Variants in FRY observed in about 807,000 individuals in gnomAD.
The protein encoded by FRY is protein furry homolog.
In FRY, 128 loss-of-function variants were observed where a neutral mutation model predicts 348.4. The observed-to-expected ratio is 0.37, with a 90% CI of 0.32 to 0.43. FRY has a LOEUF of 0.43. FRY is among the 20% of genes least tolerant of loss of function. The probability of loss-of-function intolerance (pLI) is 1.00; values close to 1 mark genes in which losing one functional copy is unlikely to be tolerated. For synonymous variants in FRY, 1,370 were observed against 1,374.7 expected (o/e 1.00, Z 0.08); for missense variants, 2,736 against 3,695.2 (o/e 0.74, Z 6.73).
chr13:32,151,269 C>T (rs1373031963), intron 14 of FRY, among the ~76,000 whole-genome samples: 1 of 152,170 alleles, frequency 6.6e-6, no homozygotes, highest in Non-Finnish European at 1.5e-5. Flanking sequence ...ATTAGTTAAC[C>T]TCTCTGTGTA....
At position 32,187,605 on chromosome 13, in the gene FRY, T is replaced by C. The variant is rs1012864325; in HGVS notation, c.3540T>C (p.Asp1180=). ...TTGACAATGTGGGCCTTTCCCCAGA[T>C]GGCTACCTATATAAATGGCTTGACA... ...PVFDNVGLSP[D]GYLYKWLDNI... Residue 1180 remains aspartate, a synonymous_variant, in exon 28 of 61, where the codon GAT becomes GAC. Transcript: ENST00000542859. 6.2e-7 allele frequency: 1 copy of C among 1,612,736 alleles called. No individual in the cohort carries two copies. The highest frequency in any genetic ancestry group is 8.5e-7 in the Non-Finnish European group (1 of 1,178,744).
At chr13:32,168,719 A>G (rs970897650) in intron 17 of FRY, among the ~76,000 whole-genome samples, 2 of 152,112 alleles carry the variant, frequency 1.3e-5, no homozygotes, top group African/African-American at 4.8e-5. Context: ...AGAACTTTAC[A>G]TGCTTTTGAG....
At chr13:32,241,764 T>G (rs142260604) in intron 46 of FRY, among the ~76,000 whole-genome samples, 1 of 152,348 alleles carries the variant, frequency 6.6e-6, no homozygotes, top group East Asian at 1.9e-4. Context: ...TTATGTTATG[T>G]GTTTTTTACT....
chr13:32,208,917 G>A lies in FRY; in HGVS notation c.4083G>A (p.Leu1361=). 1.9e-6 allele frequency: 3 copies of A among 1,614,140 alleles called. No individual in the cohort carries two copies. Among genetic ancestry groups the A allele is most frequent in the Non-Finnish European group, 2.5e-6 (3 of 1,180,022 alleles). The part of the protein sequence containing the change: ...NGRQIMLTYL[L]PWLHNIELVD... ...GCCAGATCATGCTTACCTACCTGCT[G>A]CCCTGGCTGCACAACATCGAGCTGG... The change falls in exon 32 of 61, where the codon CTG becomes CTA. Residue 1361 remains leucine, a synonymous_variant. Transcript: ENST00000542859.
intron 1 of FRY, among the ~76,000 whole-genome samples, chr13:32,037,057 CAA>C (rs67451678): frequency 0.17 from 6,363 of 37,402 alleles, 360 homozygotes; most frequent in African/African-American, 0.3. Context: ...CACACACACA[CAA>C]ACACACACAC....
Position 32,276,581 on chromosome 13 carries a change from A to C in FRY, c.8385+19A>C. 7.9e-7 allele frequency: 1 copy of C among 1,269,298 alleles called. No homozygotes were observed. The highest frequency in any genetic ancestry group is 1.2e-6 in the Non-Finnish European group (1 of 864,786). 78.6% of individuals were successfully genotyped at this position (1,269,298 alleles called of 1,614,324 possible). On this transcript the variant is annotated intron_variant, in intron 57 of 60. Coordinates refer to ENST00000542859, the MANE Select transcript of FRY (RefSeq NM_023037.3). ...ACTCTCTGTAAGCTTTTGTGTTTCT[A>C]TGCATATGCAGTCAGTTAAAACCAA...
chr13:32,249,492 A>T (rs1379212317), intron 48 of FRY, 34 bp from the exon 49 acceptor site: 1 of 1,612,114 alleles, frequency 6.2e-7, no homozygotes, highest in Non-Finnish European at 8.5e-7. Flanking sequence ...AAAACCATTG[A>T]GACAGAATAA....
chr13:32,254,208 G>A lies in FRY; in HGVS notation c.7246-16G>A, dbSNP rs1415349680. 1 of 1,613,098 alleles carries A rather than the reference G, an allele frequency of 6.2e-7. No individual in the cohort carries two copies. The highest frequency in any genetic ancestry group is 1.3e-5 in the African/African-American group (1 of 74,918). ...AAGGGAGAACGGTTTCTCAGGAGAG[G>A]ACTCTTGATTCGCAGGTGATTTTTT... is the stretch of plus-strand genomic sequence containing the variant. On this transcript the variant is annotated splice_polypyrimidine_tract_variant and intron_variant, in intron 50 of 60. Transcript: ENST00000542859.
chr13:32,225,135 A>C, intron 38 of FRY, 99 bp downstream of exon 38: 1 of 767,368 alleles, frequency 1.3e-6, no homozygotes. Flanking sequence ...TGTTTGACTC[A>C]TTTCGGGAAT....
chr13:32,171,883 C>G (rs1362264946), intron 18 of FRY, among the ~76,000 whole-genome samples: 1 of 260 alleles, frequency 3.8e-3, no homozygotes, highest in Non-Finnish European at 8.8e-3. Flanking sequence ...AGGCCAGGGA[C>G]TTAGAGCTGG....
intron 29 of FRY, among the ~76,000 whole-genome samples, chr13:32,195,254 A>G (rs1011595132): frequency 2.2e-4 from 28 of 130,038 alleles, no homozygotes; most frequent in African/African-American, 7.9e-4. Context: ...ATAGATTTTA[A>G]TATGCATAAA....
intron 1 of FRY, among the ~76,000 whole-genome samples, chr13:32,058,906 TGTA>T (rs1194145922): frequency 1.3e-5 from 2 of 152,240 alleles, no homozygotes; most frequent in Non-Finnish European, 2.9e-5. Flanking sequence ...AATTAATAAA[TGTA>T]GTGACACTGG....
At chr13:32,076,276 C>G (rs564624195) in intron 1 of FRY, among the ~76,000 whole-genome samples, 21 of 152,262 alleles carry the variant, frequency 1.4e-4, no homozygotes, top group Non-Finnish European at 2.6e-4. Flanking sequence ...AGAAATGGAT[C>G]AAATCCTGTG....
intron 36 of FRY, among the ~76,000 whole-genome samples, chr13:32,220,883 T>G (rs1885276356): frequency 6.6e-6 from 1 of 152,218 alleles, no homozygotes; most frequent in African/African-American, 2.4e-5. Flanking sequence ...ATCTGAGAAG[T>G]TAATTTGTTG....
At chr13:32,245,748 T>C (rs1441501557) in intron 47 of FRY, among the ~76,000 whole-genome samples, 1 of 152,140 alleles carries the variant, frequency 6.6e-6, no homozygotes, top group Non-Finnish European at 1.5e-5. Flanking sequence ...AGGGCCACGA[T>C]GGGGTTAAGT....
intron 59 of FRY, among the ~76,000 whole-genome samples, chr13:32,293,817 CTTA>C (rs1889494679): frequency 6.6e-6 from 1 of 152,154 alleles, no homozygotes; most frequent in African/African-American, 2.4e-5. Flanking sequence ...GTGAGAAAAA[CTTA>C]TTATTAGGAC....
At chr13:32,122,757 G>A (rs999716244) in intron 4 of FRY, among the ~76,000 whole-genome samples, 5 of 152,150 alleles carry the variant, frequency 3.3e-5, no homozygotes, top group African/African-American at 1.2e-4. Flanking sequence ...GTCACTGTTT[G>A]CTGACAATAT....
Position 32,171,012 on chromosome 13 carries a change from G to C in FRY, c.1893G>C (p.Arg631Ser). Residue 631 changes from arginine to serine, a missense_variant and splice_region_variant, in exon 18 of 61, where the codon AGG becomes AGC. Coordinates refer to ENST00000542859, the MANE Select transcript of FRY (RefSeq NM_023037.3). Reference protein sequence around the residue: ...SKLELIDLLARLSIHMDDELR... With the variant: ...SKLELIDLLASLSIHMDDELR... ...TTATTTTCCTTTATTCGTTTCACAG[G>C]CTCTCTATTCATATGGATGATGAAT... 1 of 1,601,304 alleles carries C rather than the reference G, an allele frequency of 6.2e-7. No individual in the cohort carries two copies.
intron 4 of FRY, among the ~76,000 whole-genome samples, chr13:32,123,841 G>A (rs1030609062): frequency 2.0e-5 from 3 of 152,062 alleles, no homozygotes; most frequent in African/African-American, 7.2e-5. Context: ...TGTTGTTGTT[G>A]TTGTTTTGAG....
Sources: gnomAD v4.1 joint callset for allele counts (sites outside exome capture counted in the v4.1 genomes callset) on GRCh38, gnomAD v4.1.1 for gene constraint, MANE v1.5 for transcripts, NCBI Gene and HGNC (gene_info 2026-07-23, HGNC 2026-07-21) for gene names.